Variants in UNC79 observed in about 807,000 individuals in gnomAD.
UNC79 encodes protein unc-79 homolog.
UNC79 carries 37 observed loss-of-function variants against 283.1 expected under a neutral mutation model. The observed-to-expected ratio is 0.13, with a 90% confidence interval of 0.10 to 0.17. The LOEUF (loss-of-function observed/expected upper bound fraction) is 0.17. Ranked by LOEUF, UNC79 falls within the 10% of genes least tolerant of loss-of-function variation. The pLI, the probability that UNC79 is intolerant of heterozygous loss-of-function variation, is 1.00. For synonymous variants in UNC79, 1,107 were observed against 1,200.2 expected, an observed-to-expected ratio of 0.92 and a Z score of 1.61; for missense variants, 2,272 against 3,211.1, an observed-to-expected ratio of 0.71 and a Z score of 7.07.
At chr14:93,473,689 T>G (rs2057643809) in intron 2 of UNC79, among the ~76,000 whole-genome samples, 1 of 152,242 alleles carries the variant, frequency 6.6e-6, no homozygotes, top group Non-Finnish European at 1.5e-5. Context: ...GCTGAAAATG[T>G]CTTTTCCTTT....
chr14:93,666,570 A>G (rs1372481007), intron 40 of UNC79, among the ~76,000 whole-genome samples: 3 of 152,200 alleles, frequency 2.0e-5, no homozygotes, highest in Non-Finnish European at 2.9e-5. Flanking sequence ...TGACAATTCA[A>G]AAATTACACA....
chr14:93,366,377 T>C (rs2054334321), intron 1 of UNC79, among the ~76,000 whole-genome samples: 1 of 152,168 alleles, frequency 6.6e-6, no homozygotes. Context: ...GCTCTCAGGT[T>C]CTTAATGGGA....
At chr14:93,348,969 C>A (rs141898644) in intron 1 of UNC79, among the ~76,000 whole-genome samples, 1 of 152,208 alleles carries the variant, frequency 6.6e-6, no homozygotes, top group African/African-American at 2.4e-5. Context: ...TTTGTTCTTT[C>A]GCTCTTCGCA....
chr14:93,369,870 G>A (rs370825830), intron 1 of UNC79, among the ~76,000 whole-genome samples: 77 of 152,316 alleles, frequency 5.1e-4, no homozygotes, highest in African/African-American at 1.8e-3. Flanking sequence ...TAATTTAGCT[G>A]AGGGACAGGA....
chr14:93,418,749 G>T (rs549273162), intron 1 of UNC79, among the ~76,000 whole-genome samples: 3 of 151,776 alleles, frequency 2.0e-5, no homozygotes, highest in African/African-American at 2.4e-5. Flanking sequence ...CCCCAGCCTC[G>T]CTGCCGCCTT....
intron 7 of UNC79, among the ~76,000 whole-genome samples, chr14:93,498,783 T>C (rs1004043171): frequency 2.0e-5 from 3 of 152,116 alleles, no homozygotes; most frequent in Admixed American, 6.6e-5. Flanking sequence ...TATGTATATA[T>C]ATTATTAAAT....
chr14:93,556,487 G>A (rs2062181579), intron 14 of UNC79, among the ~76,000 whole-genome samples: 1 of 152,198 alleles, frequency 6.6e-6, no homozygotes, highest in Non-Finnish European at 1.5e-5. Context: ...ATTTTGGGAA[G>A]TATCAGTCTG....
At chr14:93,389,563 A>G (rs2054842058) in intron 1 of UNC79, among the ~76,000 whole-genome samples, 1 of 152,042 alleles carries the variant, frequency 6.6e-6, no homozygotes, top group South Asian at 2.1e-4. Context: ...AGGTGTTAGA[A>G]CTTGTGGGGA....
chr14:93,582,210 C>G, exon 20 of UNC79: 4 of 1,614,138 alleles, frequency 2.5e-6, no homozygotes, highest in Non-Finnish European at 3.4e-6. Context: ...CAGGAGCCCA[C>G]AGACAGCCTG....
Position 93,577,337 on chromosome 14 carries a change from A to G in UNC79, c.2212-505A>G, listed in dbSNP as rs534255903. On this transcript the variant is annotated intron_variant, in intron 17 of 48. Transcript: ENST00000555664. ...GGGCCAAGGAGGTAGTAAGAGTCTG[A>G]GTGGGGGTTGGGTGGACAAATGGAG... Among the ~76,000 whole-genome samples the G allele has an allele frequency of 3.5e-3, 539 of 152,298 alleles. 3 individuals are homozygous for G. The highest frequency in any genetic ancestry group is 6.1e-3 in the Admixed American group (93 of 15,292).
At chr14:93,347,976 G>C (rs1326798452) in intron 1 of UNC79, 1 of 1,105,724 alleles carries the variant, frequency 9.0e-7, no homozygotes, top group African/African-American at 1.5e-5. Context: ...TAGGCAGCAA[G>C]TCACTGGCCT....
At chr14:93,378,587 T>C (rs1187191847) in intron 1 of UNC79, among the ~76,000 whole-genome samples, 1 of 152,214 alleles carries the variant, frequency 6.6e-6, no homozygotes, top group Non-Finnish European at 1.5e-5. Context: ...ATATGAACCA[T>C]ATACAGATAG....
At chr14:93,646,942 T>C (rs906066557) in intron 35 of UNC79, among the ~76,000 whole-genome samples, 3 of 152,234 alleles carry the variant, frequency 2.0e-5, no homozygotes, top group African/African-American at 7.2e-5. Flanking sequence ...GTTATTCATT[T>C]TCTGTTCATG....
At chr14:93,696,492 T>C (rs957300644) in intron 47 of UNC79, among the ~76,000 whole-genome samples, 3 of 152,238 alleles carry the variant, frequency 2.0e-5, no homozygotes, top group Admixed American at 1.3e-4. Flanking sequence ...GCATAGTCAA[T>C]CTTTAATATT....
At chr14:93,511,444 A>ATATT (rs988806980) in intron 7 of UNC79, among the ~76,000 whole-genome samples, 8 of 151,606 alleles carry the variant, frequency 5.3e-5, no homozygotes, top group African/African-American at 1.9e-4. Flanking sequence ...TTTATTTTTT[A>ATATT]TATTTATTTA....
exon 30 of UNC79, chr14:93,622,806 A>G (rs765202897): frequency 1.2e-6 from 2 of 1,614,020 alleles, no homozygotes; most frequent in Non-Finnish European, 1.7e-6. Context: ...ATCTCCTTCA[A>G]CATTCTGGAC....
intron 14 of UNC79, among the ~76,000 whole-genome samples, chr14:93,558,848 A>G (rs887757544): frequency 3.9e-5 from 6 of 151,926 alleles, no homozygotes; most frequent in Non-Finnish European, 8.8e-5. Flanking sequence ...TTTCTGTTTC[A>G]TGGAACCTTA....
At chr14:93,383,674 C>T (rs117163995) in intron 1 of UNC79, among the ~76,000 whole-genome samples, 2 of 152,190 alleles carry the variant, frequency 1.3e-5, no homozygotes, top group East Asian at 3.9e-4. Flanking sequence ...TTGCAGAAGG[C>T]TGGGTTGGCT....
At chr14:93,480,801 A>C (rs2058090455) in intron 4 of UNC79, among the ~76,000 whole-genome samples, 1 of 152,194 alleles carries the variant, frequency 6.6e-6, no homozygotes, top group South Asian at 2.1e-4. Context: ...AAAACAAGAC[A>C]AGAACGCATA....
Sources: allele counts gnomAD v4.1 joint callset (sites outside exome capture counted in the v4.1 genomes callset), GRCh38; gene constraint gnomAD v4.1.1; transcripts MANE v1.5; gene names NCBI Gene and HGNC (gene_info 2026-07-23, HGNC 2026-07-21).